Variants in UBE2D2 observed in about 807,000 individuals in gnomAD.
The protein encoded by UBE2D2 is ubiquitin-conjugating enzyme E2 D2.
Under a neutral mutation model 24.2 loss-of-function variants are expected in UBE2D2, and 2 were observed. The ratio of observed to expected loss-of-function variants is 0.08; its 90% CI spans 0.03 to 0.26. The LOEUF (loss-of-function observed/expected upper bound fraction) is 0.26, where lower values mean the gene tolerates loss of function less well. UBE2D2 is among the 10% of genes least tolerant of loss of function. The pLI is 1.00. For missense variants in UBE2D2, 44 were observed against 177.6 expected (o/e 0.25, Z 4.28); for synonymous variants, 58 against 56.5 (o/e 1.03, Z -0.12).
At chr5:139,537,820 T>C (rs548395038) in intron 1 of UBE2D2, among the ~76,000 whole-genome samples, 21 of 151,784 alleles carry the variant, frequency 1.4e-4, no homozygotes, top group Middle Eastern at 3.4e-3. Flanking sequence ...AAAAATTAGC[T>C]GGGCGTGTTG....
intron 5 of UBE2D2, among the ~76,000 whole-genome samples, chr5:139,616,524 CAG>C (rs1418319765): frequency 1.3e-5 from 2 of 152,114 alleles, no homozygotes; most frequent in Non-Finnish European, 2.9e-5. Context: ...TGAATGGACA[CAG>C]GGGAACCAAA....
At chr5:139,572,535 G>A (rs1016280318) in intron 1 of UBE2D2, among the ~76,000 whole-genome samples, 6 of 152,010 alleles carry the variant, frequency 3.9e-5, no homozygotes, top group Admixed American at 6.6e-5. Context: ...GTTTAAGGCT[G>A]CAGTGAGCTG....
chr5:139,624,400 A>T (rs1754573677), intron 6 of UBE2D2, among the ~76,000 whole-genome samples: 1 of 152,052 alleles, frequency 6.6e-6, no homozygotes, highest in African/African-American at 2.4e-5. Context: ...AGTAGCTAGG[A>T]TTATAAGCAT....
At chr5:139,527,266 A>G (rs1165500215) in intron 1 of UBE2D2, among the ~76,000 whole-genome samples, 2 of 152,162 alleles carry the variant, frequency 1.3e-5, no homozygotes, top group African/African-American at 4.8e-5. Flanking sequence ...ATAGACAGTT[A>G]CAGCTGGTTT....
At chr5:139,570,882 T>C (rs1027883012) in intron 1 of UBE2D2, among the ~76,000 whole-genome samples, 3 of 152,078 alleles carry the variant, frequency 2.0e-5, no homozygotes, top group Non-Finnish European at 4.4e-5. Flanking sequence ...CAGAGTCAAA[T>C]GGATTTTGTT....
intron 1 of UBE2D2, among the ~76,000 whole-genome samples, chr5:139,534,393 C>A (rs1350176328): frequency 6.6e-6 from 1 of 152,018 alleles, no homozygotes. Flanking sequence ...GGTGAAACCT[C>A]TTCTCTACTA....
chr5:139,618,650 C>G (rs949073586), intron 5 of UBE2D2, among the ~76,000 whole-genome samples: 1 of 152,110 alleles, frequency 6.6e-6, no homozygotes, highest in Non-Finnish European at 1.5e-5. Context: ...TGCCATACCT[C>G]TTTTTGTTCT....
chr5:139,617,485 T>C (rs1001848027), intron 5 of UBE2D2, among the ~76,000 whole-genome samples: 49 of 150,092 alleles, frequency 3.3e-4, no homozygotes, highest in Admixed American at 2.0e-3. Flanking sequence ...CAAGCAATTC[T>C]CCTGCCTCAG....
intron 2 of UBE2D2, among the ~76,000 whole-genome samples, chr5:139,608,248 G>A (rs1244200576): frequency 2.0e-5 from 3 of 151,364 alleles, no homozygotes; most frequent in African/African-American, 4.9e-5. Flanking sequence ...TCTGGGCAAC[G>A]TGACAAAACC....
intron 1 of UBE2D2, among the ~76,000 whole-genome samples, chr5:139,543,045 C>T (rs978633493): frequency 7.9e-5 from 12 of 152,092 alleles, no homozygotes; most frequent in South Asian, 2.1e-4. Context: ...TACAGGCGCG[C>T]GCCACCATGC....
chr5:139,589,849 A>G (rs1359033405), intron 1 of UBE2D2, among the ~76,000 whole-genome samples: 2 of 151,988 alleles, frequency 1.3e-5, no homozygotes, highest in African/African-American at 4.8e-5. Context: ...CAGTGGCGCA[A>G]TCTTGGCTCA....
Position 139,627,018 on chromosome 5 carries a change from A to AGT in UBE2D2, c.*227_*228dup. On this transcript the variant is annotated 3_prime_UTR_variant, in exon 7 of 7. Coordinates refer to ENST00000398733, the MANE Select transcript of UBE2D2 (RefSeq NM_003339.3). ...TACCAACATTGCCTCCTAGCAGAGAAGTGTGTGTGTGACAAGCCAGTTCTA... is the reference window on the plus strand; with the variant it reads ...TACCAACATTGCCTCCTAGCAGAGAAGTGTGTGTGTGTGACAAGCCAGTTCTA... 1 of 502,064 alleles carries AGT rather than the reference A, an allele frequency of 2.0e-6. No homozygotes were observed. Among genetic ancestry groups the AGT allele is most frequent in the South Asian group, 2.4e-5 (1 of 42,396 alleles). The allele number at this position is 502,064 out of a possible 1,614,324, so 31.1% of individuals were successfully genotyped here.
At chr5:139,556,278 G>A (rs542512903), upstream of UBE2D2, among the ~76,000 whole-genome samples, 8 of 152,078 alleles carry the variant, frequency 5.3e-5, no homozygotes, top group Non-Finnish European at 1.0e-4. Context: ...GGGCGTGGTG[G>A]TGCATGCCTG....
chr5:139,589,945 C>G (rs571748900), intron 1 of UBE2D2, among the ~76,000 whole-genome samples: 1 of 152,078 alleles, frequency 6.6e-6, no homozygotes, highest in East Asian at 2.0e-4. Flanking sequence ...CCACCACACC[C>G]GGCTAATTTT....
intron 1 of UBE2D2, among the ~76,000 whole-genome samples, chr5:139,551,250 G>T (rs908422269): frequency 6.6e-6 from 1 of 152,152 alleles, no homozygotes; most frequent in Non-Finnish European, 1.5e-5. Flanking sequence ...GGAGGCTAAG[G>T]CAGGTCTTGA....
Position 139,561,633 on chromosome 5 carries a change from C to G in UBE2D2, c.-159C>G, listed in dbSNP as rs1244516681. ...CGGCAGGCCCAGGAGCTGAGTGGGC[C>G]CCGGCCCTCAGCCCGTCCCGCCGGA... is the stretch of plus-strand genomic sequence containing the variant. On this transcript the variant is annotated 5_prime_UTR_variant, in exon 1 of 7. Coordinates refer to ENST00000398733, the MANE Select transcript of UBE2D2 (RefSeq NM_003339.3). 1.9e-6 allele frequency: 1 copy of G among 521,824 alleles called. No individual in the cohort carries two copies. Among genetic ancestry groups the G allele is most frequent in the South Asian group, 3.1e-5 (1 of 32,098 alleles). 32.3% of individuals were successfully genotyped at this position (521,824 alleles called of 1,614,324 possible). A position where few individuals can be genotyped will look rare whatever the true frequency, so the allele number is the denominator to read the frequency against.
intron 1 of UBE2D2, among the ~76,000 whole-genome samples, chr5:139,593,854 C>T (rs1186141919): frequency 1.3e-5 from 2 of 152,014 alleles, no homozygotes; most frequent in Admixed American, 6.6e-5. Flanking sequence ...GGCCTCAAGC[C>T]ATCCTCCCAC....
At position 139,628,319 on chromosome 5, in the gene UBE2D2, A is replaced by G. The variant is rs1431523673; in HGVS notation, c.*1518A>G. The G allele has an allele frequency of 6.6e-6, 1 of 152,582 alleles. No homozygotes were observed. The highest frequency in any genetic ancestry group is 1.5e-5 in the Non-Finnish European group (1 of 68,024). The allele number at this position is 152,582 out of a possible 1,614,324, so 9.5% of individuals were successfully genotyped here. On this transcript the variant is annotated 3_prime_UTR_variant, in exon 7 of 7. Transcript: ENST00000398733. ...TTCCCCCCTTCTTTTCCTAATTGTA[A>G]ACTAGGCCAACCTGAAAGCCATGGC...
At chr5:139,532,114 G>A (rs1187027745) in intron 1 of UBE2D2, among the ~76,000 whole-genome samples, 3 of 151,614 alleles carry the variant, frequency 2.0e-5, no homozygotes, top group African/African-American at 4.9e-5. Context: ...AATATCTATC[G>A]AAAATTTCAG....
Sources: allele counts gnomAD v4.1 joint callset (sites outside exome capture counted in the v4.1 genomes callset), GRCh38; gene constraint gnomAD v4.1.1; transcripts MANE v1.5; gene names NCBI Gene and HGNC (gene_info 2026-07-23, HGNC 2026-07-21).